The following TMEM117 variants were observed in gnomAD, a reference collection of about 807,000 sequenced individuals.
TMEM117 encodes transmembrane protein 117.
TMEM117 carries 27 observed loss-of-function variants against 52.4 expected under a neutral mutation model. The ratio of observed to expected loss-of-function variants is 0.51; its 90% CI spans 0.38 to 0.71. The LOEUF (loss-of-function observed/expected upper bound fraction) is 0.71, where lower values mean the gene tolerates loss of function less well. TMEM117 is among the 30% of genes least tolerant of loss of function. The pLI, the probability that TMEM117 is intolerant of heterozygous loss-of-function variation, is 0.00. For missense variants in TMEM117, 556 were observed against 630.5 expected (o/e 0.88, Z 1.26); for synonymous variants, 215 against 206.3 (o/e 1.04, Z -0.36).
intron 5 of TMEM117, among the ~76,000 whole-genome samples, chr12:44,266,668 A>G (rs913055715): frequency 6.6e-6 from 1 of 152,172 alleles, no homozygotes; most frequent in African/African-American, 2.4e-5. Context: ...GACTTCAGGT[A>G]TCACATTTAA....
At chr12:43,837,070 T>G (rs1943044179) in intron 1 of TMEM117, among the ~76,000 whole-genome samples, 1 of 152,082 alleles carries the variant, frequency 6.6e-6, no homozygotes, top group Non-Finnish European at 1.5e-5. Flanking sequence ...AGTATTGACA[T>G]TTGACCATGG....
intron 3 of TMEM117, among the ~76,000 whole-genome samples, chr12:44,066,996 C>T (rs1399702314): frequency 6.6e-6 from 1 of 152,136 alleles, no homozygotes; most frequent in African/African-American, 2.4e-5. Flanking sequence ...ATTCTAAATC[C>T]TTTGTTGTAA....
At chr12:44,055,297 A>G (rs1947036909) in intron 3 of TMEM117, among the ~76,000 whole-genome samples, 1 of 152,206 alleles carries the variant, frequency 6.6e-6, no homozygotes, top group African/African-American at 2.4e-5. Flanking sequence ...CTGATTATTT[A>G]TGTTTAGGAC....
intron 2 of TMEM117, among the ~76,000 whole-genome samples, chr12:43,880,649 T>A (rs1353347882): frequency 6.6e-6 from 1 of 152,178 alleles, no homozygotes; most frequent in Non-Finnish European, 1.5e-5. Context: ...TGAGACAGTC[T>A]CCCTTGAGCC....
chr12:43,894,879 C>T (rs894104846), intron 2 of TMEM117, among the ~76,000 whole-genome samples: 1 of 151,896 alleles, frequency 6.6e-6, no homozygotes, highest in Non-Finnish European at 1.5e-5. Context: ...ATTTATGTGG[C>T]AATATTCTTA....
chr12:43,935,411 A>T (rs1246585458), intron 2 of TMEM117, among the ~76,000 whole-genome samples: 1 of 152,164 alleles, frequency 6.6e-6, no homozygotes, highest in Non-Finnish European at 1.5e-5. Context: ...CAGCCATAAG[A>T]AATAGGGATT....
intron 3 of TMEM117, among the ~76,000 whole-genome samples, chr12:43,959,021 A>G (rs879887828): frequency 6.6e-6 from 1 of 151,978 alleles, no homozygotes; most frequent in African/African-American, 2.4e-5. Flanking sequence ...GTTCGCCAGG[A>G]TGGTCTTGAT....
At chr12:43,887,039 G>A (rs1200737749) in intron 2 of TMEM117, among the ~76,000 whole-genome samples, 1 of 152,126 alleles carries the variant, frequency 6.6e-6, no homozygotes, top group African/African-American at 2.4e-5. Context: ...TGTAGAGATG[G>A]GGTTTTACCA....
intron 3 of TMEM117, among the ~76,000 whole-genome samples, chr12:43,960,074 T>C (rs1592394823): frequency 1.3e-5 from 2 of 152,212 alleles, no homozygotes; most frequent in South Asian, 4.1e-4. Flanking sequence ...TGGATGCAAA[T>C]TCTGCTGGAG....
At chr12:44,322,024 T>C (rs187921976) in intron 6 of TMEM117, among the ~76,000 whole-genome samples, 2 of 152,288 alleles carry the variant, frequency 1.3e-5, no homozygotes, top group Admixed American at 1.3e-4. Context: ...TTTTCTAAAC[T>C]GGAAAATTCT....
chr12:43,839,511 C>T (rs1943085188), intron 1 of TMEM117, among the ~76,000 whole-genome samples: 1 of 152,216 alleles, frequency 6.6e-6, no homozygotes, highest in Admixed American at 6.5e-5. Flanking sequence ...CACACTTTCC[C>T]TAGATAGCTG....
At chr12:43,800,464 T>C in the TMEM117 span, 2 of 1,613,652 alleles carry the variant, frequency 1.2e-6, no homozygotes, top group Non-Finnish European at 1.7e-6. Flanking sequence ...TCATCTTTAA[T>C]GTGGCCACCT....
chr12:43,815,531 G>A, the TMEM117 span, among the ~76,000 whole-genome samples: 3 of 152,192 alleles, frequency 2.0e-5, no homozygotes, highest in South Asian at 6.2e-4. Flanking sequence ...TTCAAATGAG[G>A]CAGCCTGGCG....
intron 5 of TMEM117, among the ~76,000 whole-genome samples, chr12:44,220,572 C>T (rs1288980582): frequency 2.0e-5 from 3 of 152,018 alleles, no homozygotes; most frequent in South Asian, 4.1e-4. Context: ...TAGAATAATA[C>T]CTCAGTGGTA....
At chr12:43,805,026 T>A in the TMEM117 span, among the ~76,000 whole-genome samples, 1 of 152,260 alleles carries the variant, frequency 6.6e-6, no homozygotes, top group African/African-American at 2.4e-5. Flanking sequence ...ATATCCTAAC[T>A]TGTTTAAAGA....
intron 5 of TMEM117, among the ~76,000 whole-genome samples, chr12:44,233,696 G>T (rs1949959655): frequency 6.6e-6 from 1 of 150,966 alleles, no homozygotes. Flanking sequence ...TTATCTTTAT[G>T]AAAAGGCATC....
At chr12:44,080,015 CAAA>C (rs747963448) in intron 3 of TMEM117, among the ~76,000 whole-genome samples, 1,165 of 57,934 alleles carry the variant, frequency 0.02, 14 homozygotes, top group African/African-American at 0.047. Context: ...AACTCCATCT[CAAA>C]AAAAAAAAAA....
chr12:44,192,553 CT>C (rs1311555443), intron 4 of TMEM117, among the ~76,000 whole-genome samples: 2 of 152,006 alleles, frequency 1.3e-5, no homozygotes, highest in African/African-American at 2.4e-5. Flanking sequence ...TCCAAGAGTC[CT>C]TTGAAAGTTA....
intron 3 of TMEM117, among the ~76,000 whole-genome samples, chr12:44,102,471 T>C (rs1947878383): frequency 6.6e-6 from 1 of 151,940 alleles, no homozygotes; most frequent in African/African-American, 2.4e-5. Context: ...TCTTCCTCTA[T>C]CCATCTCTCT....
Sources: allele counts gnomAD v4.1 joint callset (sites outside exome capture counted in the v4.1 genomes callset), GRCh38; gene constraint gnomAD v4.1.1; transcripts MANE v1.5; gene names NCBI Gene and HGNC (gene_info 2026-07-23, HGNC 2026-07-21).